The following RAB2A variants were observed in gnomAD, a reference collection of about 807,000 sequenced individuals.
RAB2A encodes the protein RAB2A, member RAS oncogene family, also known as ras-related protein Rab-2A.
A neutral mutation model predicts 32.5 loss-of-function variants in RAB2A; 7 were observed. The ratio of observed to expected loss-of-function variants is 0.22; its 90% CI spans 0.12 to 0.40. The LOEUF (loss-of-function observed/expected upper bound fraction) is 0.40, where lower values mean the gene tolerates loss of function less well. Among genes scored for constraint, RAB2A ranks in the 10% least tolerant of loss-of-function variants. RAB2A has a pLI of 1.00. For missense variants in RAB2A, 108 were observed against 260.7 expected (o/e 0.41, Z 4.03); for synonymous variants, 79 against 85.2 (o/e 0.93, Z 0.40).
chr8:60,564,429 C>A (rs1382108325), intron 2 of RAB2A, among the ~76,000 whole-genome samples: 1 of 152,056 alleles, frequency 6.6e-6, no homozygotes, highest in Non-Finnish European at 1.5e-5. Context: ...ATTTTCTTTT[C>A]CAGCTTTTAA....
chr8:60,584,915 C>T, intron 5 of RAB2A, 100 bp downstream of exon 5: 1 of 766,478 alleles, frequency 1.3e-6, no homozygotes. Flanking sequence ...GAGTTACCAG[C>T]CTCTTAAATT....
At chr8:60,578,043 T>C (rs1803673043) in intron 3 of RAB2A, among the ~76,000 whole-genome samples, 1 of 152,212 alleles carries the variant, frequency 6.6e-6, no homozygotes, top group Non-Finnish European at 1.5e-5. Context: ...CTTCTTTCCT[T>C]CTTTTGGTTC....
chr8:60,617,307 T>G (rs1405164678), intron 6 of RAB2A, among the ~76,000 whole-genome samples: 1 of 152,222 alleles, frequency 6.6e-6, no homozygotes, highest in Non-Finnish European at 1.5e-5. Context: ...GGCAAAGAAG[T>G]TGAGCCGTCT....
chr8:60,517,026 C>T lies in RAB2A; in HGVS notation c.-182C>T, dbSNP rs1317526021. ...CTCGGTCGGGCGCTGTCTCCCTCGG[C>T]TCTGCGGGTGTCAGTTCGTCCGGCT... On this transcript the variant is annotated 5_prime_UTR_variant, in exon 1 of 8. Coordinates refer to ENST00000262646, the MANE Select transcript of RAB2A (RefSeq NM_002865.3). The T allele has an allele frequency of 3.8e-6, 2 of 526,620 alleles. No individual in the cohort carries two copies. The highest frequency in any genetic ancestry group is 4.4e-5 in the Admixed American group (1 of 22,880). 32.6% of individuals were successfully genotyped at this position (526,620 alleles called of 1,614,324 possible). A position where few individuals can be genotyped will look rare whatever the true frequency, so the allele number is the denominator to read the frequency against.
At chr8:60,530,547 T>A in intron 1 of RAB2A, among the ~76,000 whole-genome samples, 1 of 152,110 alleles carries the variant, frequency 6.6e-6, no homozygotes, top group East Asian at 1.9e-4. Context: ...ACCTCGGCCT[T>A]CCAAAGTGTT....
At chr8:60,583,987 C>T in intron 3 of RAB2A, 1 of 392,964 alleles carries the variant, frequency 2.5e-6, no homozygotes, top group Non-Finnish European at 4.8e-6. Context: ...GGGGAGGTTG[C>T]AGGAGCGACT....
chr8:60,598,937 C>CAAAAAAAAAA (rs56406651), intron 6 of RAB2A, among the ~76,000 whole-genome samples: 17 of 40,382 alleles, frequency 4.2e-4, no homozygotes, highest in East Asian at 8.5e-4. Context: ...TGCAGTAAAG[C>CAAAAAAAAAA]AAAAAAAAAA....
At chr8:60,565,175 T>C (rs1404024738) in intron 2 of RAB2A, among the ~76,000 whole-genome samples, 3 of 152,056 alleles carry the variant, frequency 2.0e-5, no homozygotes, top group Non-Finnish European at 4.4e-5. Flanking sequence ...TCCCAACACT[T>C]TGGGAGGCAG....
chr8:60,620,457 A>G (rs1804510023), intron 7 of RAB2A, among the ~76,000 whole-genome samples: 1 of 152,248 alleles, frequency 6.6e-6, no homozygotes, highest in Admixed American at 6.5e-5. Flanking sequence ...CGTACCTGGT[A>G]TGATAAAGAA....
intron 1 of RAB2A, among the ~76,000 whole-genome samples, chr8:60,541,193 C>T (rs545129394): frequency 7.2e-5 from 11 of 152,108 alleles, no homozygotes; most frequent in Non-Finnish European, 1.6e-4. Context: ...CAAATTTCAA[C>T]ACAGGGCATG....
intron 1 of RAB2A, among the ~76,000 whole-genome samples, chr8:60,541,525 C>T (rs1372760340): frequency 1.3e-5 from 2 of 152,138 alleles, no homozygotes; most frequent in Non-Finnish European, 2.9e-5. Flanking sequence ...CCCATCTCTA[C>T]TAAAAATACA....
At chr8:60,576,685 C>G (rs994642451) in intron 3 of RAB2A, among the ~76,000 whole-genome samples, 1 of 152,088 alleles carries the variant, frequency 6.6e-6, no homozygotes, top group Admixed American at 6.5e-5. Context: ...TATTTTGTTT[C>G]AATGCATCAG....
intron 6 of RAB2A, among the ~76,000 whole-genome samples, chr8:60,617,651 T>TGA (rs1370977271): frequency 6.6e-6 from 1 of 152,016 alleles, no homozygotes; most frequent in Admixed American, 6.6e-5. Context: ...GAGGCTGAAG[T>TGA]GAGAGGATCA....
At chr8:60,517,361 C>T in intron 1 of RAB2A, 108 bp downstream of exon 1, 2 of 1,056,554 alleles carry the variant, frequency 1.9e-6, no homozygotes, top group South Asian at 4.3e-5. Context: ...CCGGCGCCTC[C>T]CTCCTGGCCG....
At chr8:60,518,996 G>A (rs749351937) in intron 1 of RAB2A, among the ~76,000 whole-genome samples, 2 of 152,096 alleles carry the variant, frequency 1.3e-5, no homozygotes, top group Non-Finnish European at 2.9e-5. Flanking sequence ...TATTGTGCAT[G>A]GAGTAGTGGG....
intron 6 of RAB2A, among the ~76,000 whole-genome samples, chr8:60,616,199 G>T (rs977383534): frequency 6.6e-6 from 1 of 152,124 alleles, no homozygotes; most frequent in African/African-American, 2.4e-5. Context: ...AATAAAATTA[G>T]TAGTGACTTA....
At chr8:60,591,058 A>C (rs1389594712) in intron 5 of RAB2A, among the ~76,000 whole-genome samples, 1 of 152,010 alleles carries the variant, frequency 6.6e-6, no homozygotes, top group African/African-American at 2.4e-5. Flanking sequence ...GTATGTGGAC[A>C]TTATATTATA....
At chr8:60,541,785 G>C (rs1807649850) in intron 1 of RAB2A, among the ~76,000 whole-genome samples, 1 of 152,136 alleles carries the variant, frequency 6.6e-6, no homozygotes, top group African/African-American at 2.4e-5. Context: ...TAGGCCTTCA[G>C]TGAGGCCTAC....
At chr8:60,611,576 T>C (rs756982501) in intron 6 of RAB2A, among the ~76,000 whole-genome samples, 10 of 152,350 alleles carry the variant, frequency 6.6e-5, no homozygotes, top group Non-Finnish European at 1.5e-4. Flanking sequence ...TTTATCTGAG[T>C]GTCCTCAGTG....
Sources: allele counts gnomAD v4.1 joint callset (sites outside exome capture counted in the v4.1 genomes callset), GRCh38; gene constraint gnomAD v4.1.1; transcripts MANE v1.5; gene names NCBI Gene and HGNC (gene_info 2026-07-23, HGNC 2026-07-21).